The following NYNRIN variants were observed in gnomAD, a reference collection of about 807,000 sequenced individuals.
NYNRIN encodes NYN domain and retroviral integrase containing.
A neutral mutation model predicts 146.6 loss-of-function variants in NYNRIN; 86 were observed. The ratio of observed to expected loss-of-function variants is 0.59; its 90% CI spans 0.49 to 0.70. The LOEUF is 0.70. Among genes scored for constraint, NYNRIN ranks in the 30% least tolerant of loss-of-function variants. The probability of loss-of-function intolerance (pLI) is 0.00; values close to 1 mark genes in which losing one functional copy is unlikely to be tolerated. For missense variants in NYNRIN, 2,191 were observed against 2,377.7 expected (o/e 0.92, Z 1.63); for synonymous variants, 1,027 against 1,001.3 (o/e 1.03, Z -0.48).
Position 24,417,162 on chromosome 14 carries a change from G to T in NYNRIN, c.5413G>T (p.Ala1805Ser). The change falls in exon 9 of 9, where the codon GCT becomes TCT. Residue 1805 changes from alanine (A) to serine (S), a missense_variant. By Grantham distance (99) the Ala-to-Ser change is moderately conservative. Around this residue, in one of 3 missense-constraint regions of NYNRIN, gnomAD observed 1,291 missense variants for 1,417.0 expected, o/e 0.91. Coordinates refer to ENST00000382554, the MANE Select transcript of NYNRIN (RefSeq NM_025081.3). ...GELLELHWRVADKASEKAENR... is the reference protein window; with the variant it reads ...GELLELHWRVSDKASEKAENR... ...GCTGCTGGAGCTCCACTGGAGGGTGGCTGACAAGGCGAGTGAAAAGGCCGA... is the reference window on the plus strand; with the variant it reads ...GCTGCTGGAGCTCCACTGGAGGGTGTCTGACAAGGCGAGTGAAAAGGCCGA... 6.2e-7 allele frequency: 1 copy of T among 1,614,050 alleles called. No homozygotes were observed. Among genetic ancestry groups the T allele is most frequent in the Non-Finnish European group, 8.5e-7 (1 of 1,179,894 alleles).
rs2042962999 is a variant in NYNRIN at position 24,418,401 on chromosome 14, C to T, written c.*955C>T. On this transcript the variant is annotated 3_prime_UTR_variant, in exon 9 of 9. Coordinates refer to ENST00000382554, the MANE Select transcript of NYNRIN (RefSeq NM_025081.3). The stretch of plus-strand genomic sequence containing the variant: ...CAACCCCATCCCAAAGCCTACAGTC[C>T]TCTGCTCCTTCTACCTCCACTGTAT... The T allele has an allele frequency of 2.6e-6, 1 of 391,134 alleles. No individual in the cohort carries two copies. Among genetic ancestry groups the T allele is most frequent in the Non-Finnish European group, 5.1e-6 (1 of 197,432 alleles). The allele number at this position is 391,134 out of a possible 1,614,324, so 24.2% of individuals were successfully genotyped here. A position where few individuals can be genotyped will look rare whatever the true frequency, so the allele number is the denominator to read the frequency against.
Position 24,419,161 on chromosome 14 carries a change from C to T in NYNRIN, c.*1715C>T, listed in dbSNP as rs950653395. ...CTTCCTCCTCTCTGTAATGGTATGTCCAGCCTCACTCTCCCTCCCTGGTGC... is the reference window on the plus strand; with the variant it reads ...CTTCCTCCTCTCTGTAATGGTATGTTCAGCCTCACTCTCCCTCCCTGGTGC... On this transcript the variant is annotated 3_prime_UTR_variant, in exon 9 of 9. Coordinates refer to ENST00000382554, the MANE Select transcript of NYNRIN (RefSeq NM_025081.3). The T allele has an allele frequency of 1.3e-5, 2 of 152,324 alleles. No individual in the cohort carries two copies. The highest frequency in any genetic ancestry group is 4.8e-5 in the African/African-American group (2 of 41,448). The allele number at this position is 152,324 out of a possible 1,614,324, so 9.4% of individuals were successfully genotyped here. A position where few individuals can be genotyped will look rare whatever the true frequency, so the allele number is the denominator to read the frequency against.
chr14:24,408,263 G>T lies in NYNRIN; in HGVS notation c.593G>T (p.Gly198Val), dbSNP rs1200897268. 1 of 1,610,776 alleles carries T rather than the reference G, an allele frequency of 6.2e-7. No individual in the cohort carries two copies. ...LLLSLVRDAA[G>V]KEDIIEWLSR... The stretch of plus-strand genomic sequence containing the variant: ...CTGAGCCTGGTGCGGGATGCTGCGG[G>T]CAAGGAAGACATCATCGAGTGGCTC... Residue 198 changes from glycine (G) to valine (V), a missense_variant, in exon 3 of 9, where the codon GGC becomes GTC. By Grantham distance (109) the Gly-to-Val change is moderately radical (BLOSUM62 -3). Transcript: ENST00000382554.
rs752615470 is a variant in NYNRIN, at chr14:24,417,418, C to T, written c.5669C>T (p.Pro1890Leu). 18 of 1,525,796 alleles carry T rather than the reference C, an allele frequency of 1.2e-5. No homozygotes were observed. Among genetic ancestry groups the T allele is most frequent in the African/African-American group, 5.5e-5 (4 of 72,532 alleles). 94.5% of individuals were successfully genotyped at this position (1,525,796 alleles called of 1,614,324 possible). Reference sequence around the variant, plus strand: ...AAGGCCTTTGCCAAGAGTGGCACCCCGCTGTCCTTCAAGGTCTTGGAGCAG... The same window carrying T: ...AAGGCCTTTGCCAAGAGTGGCACCCTGCTGTCCTTCAAGGTCTTGGAGCAG... ...LMKAFAKSGTPLSFKVLEQ is the reference protein window; with the variant it reads ...LMKAFAKSGTLLSFKVLEQ The change falls in exon 9 of 9, where the codon CCG (proline) becomes CTG (leucine). Residue 1890 changes from proline to leucine, a missense_variant. By Grantham distance (98) the Pro-to-Leu change is moderately conservative. Coordinates refer to ENST00000382554, the MANE Select transcript of NYNRIN (RefSeq NM_025081.3).
rs200054578 is a variant in NYNRIN, at chr14:24,410,041, G to A, written c.2247G>A (p.Glu749=). ...TGGAGGGGCTCCTGGGGGCTTGGGAGGGGGCCCCAAGGCAGCCACCTCGCC... is the reference window on the plus strand; with the variant it reads ...TGGAGGGGCTCCTGGGGGCTTGGGAAGGGGCCCCAAGGCAGCCACCTCGCC... The part of the protein sequence containing the change: ...FQMEGLLGAW[E]GAPRQPPRHL... The change falls in exon 4 of 9, where the codon GAG becomes GAA. Residue 749 remains glutamate (E), a synonymous_variant. Coordinates refer to ENST00000382554, the MANE Select transcript of NYNRIN (RefSeq NM_025081.3). 2.1e-4 allele frequency: 344 copies of A among 1,613,884 alleles called. No individual in the cohort carries two copies. The African/African-American group carries it at 4.2e-3, about 20-fold the overall frequency.
At chr14:24,402,703 C>T (rs1295214422) in intron 2 of NYNRIN, among the ~76,000 whole-genome samples, 8 of 152,116 alleles carry the variant, frequency 5.3e-5, no homozygotes, top group East Asian at 1.9e-4. Flanking sequence ...TTGGCAAATG[C>T]GACAAATCAA....
chr14:24,414,871 G>A lies in NYNRIN; in HGVS notation c.3122G>A (p.Cys1041Tyr), dbSNP rs761411228. Residue 1041 changes from cysteine to tyrosine, a missense_variant, in exon 9 of 9, where the codon TGC becomes TAC. Around this residue, in one of 3 missense-constraint regions of NYNRIN, gnomAD observed 1,291 missense variants for 1,417.0 expected, o/e 0.91. Coordinates refer to ENST00000382554, the MANE Select transcript of NYNRIN (RefSeq NM_025081.3). Reference sequence around the variant, plus strand: ...TCCCTTTCGGAGGAGATCCTGCGGTGCCTCAGCCTCCATGATCCCCCTGAT... The same window carrying A: ...TCCCTTTCGGAGGAGATCCTGCGGTACCTCAGCCTCCATGATCCCCCTGAT... The part of the protein sequence containing the change: ...CPSLSEEILR[C>Y]LSLHDPPDGA... The A allele has an allele frequency of 1.4e-5, 22 of 1,610,052 alleles. No homozygotes were observed. The highest frequency in any genetic ancestry group is 8.5e-6 in the Non-Finnish European group (10 of 1,177,028).
intron 2 of NYNRIN, among the ~76,000 whole-genome samples, chr14:24,400,472 T>C (rs1387350403): frequency 6.6e-6 from 1 of 152,118 alleles, no homozygotes; most frequent in Non-Finnish European, 1.5e-5. Flanking sequence ...TCTTAATTGG[T>C]CAAGGCCATG....
rs774433921 is a variant in NYNRIN, at chr14:24,399,273, G to A, written c.27G>A (p.Pro9=). The change falls in exon 2 of 9, where the codon CCG becomes CCA. Residue 9 remains proline (P), a synonymous_variant. Transcript: ENST00000382554. ...TGCTCCTGTCTGGGGGCGATCCTCC[G>A]GCGCAGGAATGGTTCATGGTGCAGA... MLLSGGDP[P]AQEWFMVQTK... is the part of the protein sequence containing the mutation. 2.5e-6 allele frequency: 4 copies of A among 1,613,768 alleles called. No homozygotes were observed. Among genetic ancestry groups the A allele is most frequent in the Admixed American group, 3.3e-5 (2 of 59,998 alleles).
Position 24,409,706 on chromosome 14 carries a change from G to C in NYNRIN, c.1912G>C (p.Ala638Pro). The C allele has an allele frequency of 6.2e-7, 1 of 1,605,886 alleles. No homozygotes were observed. The highest frequency in any genetic ancestry group is 8.5e-7 in the Non-Finnish European group (1 of 1,176,148). Residue 638 changes from alanine to proline, a missense_variant, in exon 4 of 9, where the codon GCA becomes CCA. Physicochemically the swap from Ala to Pro is conservative, Grantham distance 27. This residue lies in a region of NYNRIN where 895 missense variants were observed against 941.2 expected (regional missense o/e 0.95). Transcript: ENST00000382554. ...QKMPVAKTSP[A>P]GPKTPKAQAG... ...GATGCCTGTAGCAAAAACATCACCT[G>C]CAGGTCCCAAAACACCCAAAGCTCA...
At chr14:24,406,308 G>A (rs1455391715) in intron 2 of NYNRIN, among the ~76,000 whole-genome samples, 1 of 152,094 alleles carries the variant, frequency 6.6e-6, no homozygotes, top group African/African-American at 2.4e-5. Flanking sequence ...AGAGAAAGAA[G>A]CCACCCATAA....
rs2042898486 is a variant in NYNRIN at position 24,409,682 on chromosome 14, A to G, written c.1888A>G (p.Met630Val). The change falls in exon 4 of 9, where the codon ATG becomes GTG. Residue 630 changes from methionine (M) to valine (V), a missense_variant. Physicochemically the swap from Met to Val is conservative, Grantham distance 21 (BLOSUM62 1). Coordinates refer to ENST00000382554, the MANE Select transcript of NYNRIN (RefSeq NM_025081.3). ...TTPKTPQAQK[M>V]PVAKTSPAGP... is the part of the protein sequence containing the mutation. ...TCCAAAAACTCCCCAGGCTCAGAAG[A>G]TGCCTGTAGCAAAAACATCACCTGC... is the stretch of plus-strand genomic sequence containing the variant. 2 of 1,606,432 alleles carry G rather than the reference A, an allele frequency of 1.2e-6. No individual in the cohort carries two copies.
chr14:24,412,456 A>C (rs2042918178), intron 6 of NYNRIN: 1 of 152,572 alleles, frequency 6.6e-6, no homozygotes, highest in African/African-American at 2.4e-5. Context: ...GTGTGCTTAT[A>C]TGTGTTAGCG....
Position 24,399,070 on chromosome 14 carries a change from C to A in NYNRIN, c.-34C>A. 2 of 556,068 alleles carry A rather than the reference C, an allele frequency of 3.6e-6. No homozygotes were observed. Among genetic ancestry groups the A allele is most frequent in the African/African-American group, 2.0e-5 (1 of 49,252 alleles). The allele number at this position is 556,068 out of a possible 1,614,324, so 34.4% of individuals were successfully genotyped here. Reference sequence around the variant, plus strand: ...AGGGGACCAAGCTCCAGAGGGCGGGCGCCCGAGCCGTGCGGGGTGGGTCCC... The same window carrying A: ...AGGGGACCAAGCTCCAGAGGGCGGGAGCCCGAGCCGTGCGGGGTGGGTCCC... On this transcript the variant is annotated 5_prime_UTR_variant, in exon 1 of 9. Coordinates refer to ENST00000382554, the MANE Select transcript of NYNRIN (RefSeq NM_025081.3).
Position 24,405,017 on chromosome 14 carries a change from TGTGTGTGTGTGA to T in NYNRIN, c.199-2850_199-2839del, listed in dbSNP as rs796413027. 0.01 allele frequency among the ~76,000 whole-genome samples: 324 copies of T among 31,584 alleles called. 3 individuals carry two copies. The East Asian group carries it at 0.19, about 19-fold the overall frequency. 20.7% of individuals were successfully genotyped at this position (31,584 alleles called of 152,430 possible). ...GCCTGTGTGTGTGTGTGTGTGTGTG[TGTGTGTGTGTGA>T]GAGAATGTGTGTGTGTGAATGTGTG... On this transcript the variant is annotated intron_variant, in intron 2 of 8. Coordinates refer to ENST00000382554, the MANE Select transcript of NYNRIN (RefSeq NM_025081.3).
At position 24,399,364 on chromosome 14, in the gene NYNRIN, A is replaced by C; in HGVS notation, c.118A>C (p.Asn40His). 6.2e-7 allele frequency: 1 copy of C among 1,613,794 alleles called. No individual in the cohort carries two copies. Among genetic ancestry groups the C allele is most frequent in the Non-Finnish European group, 8.5e-7 (1 of 1,179,824 alleles). Residue 40 changes from asparagine to histidine, a missense_variant, in exon 2 of 9, where the codon AAC becomes CAC. By Grantham distance (68) the Asn-to-His change is moderately conservative (BLOSUM62 1). Transcript: ENST00000382554. ...QVQRIFRVKLNAFQSRPDTPY... is the reference protein window; with the variant it reads ...QVQRIFRVKLHAFQSRPDTPY... ...GCAGCGCATCTTTAGGGTCAAGCTGAACGCCTTCCAGAGCCGCCCGGACAC... is the reference window on the plus strand; with the variant it reads ...GCAGCGCATCTTTAGGGTCAAGCTGCACGCCTTCCAGAGCCGCCCGGACAC...
rs567805123 is a variant in NYNRIN at position 24,399,287 on chromosome 14, T to G, written c.41T>G (p.Phe14Cys). 1 of 1,613,898 alleles carries G rather than the reference T, an allele frequency of 6.2e-7. No individual in the cohort carries two copies. The highest frequency in any genetic ancestry group is 1.7e-5 in the Admixed American group (1 of 60,026). ...SGGDPPAQEW[F>C]MVQTKSKPRV... ...GGCGATCCTCCGGCGCAGGAATGGT[T>G]CATGGTGCAGACAAAATCGAAGCCT... The change falls in exon 2 of 9, where the codon TTC (phenylalanine) becomes TGC (cysteine). Residue 14 changes from phenylalanine (F) to cysteine (C), a missense_variant. Transcript: ENST00000382554.
chr14:24,413,322 G>A lies in NYNRIN; in HGVS notation c.2751G>A (p.Leu917=). The A allele has an allele frequency of 6.2e-7, 1 of 1,612,690 alleles. No individual in the cohort carries two copies. The highest frequency in any genetic ancestry group is 8.5e-7 in the Non-Finnish European group (1 of 1,179,342). Residue 917 remains leucine, a synonymous_variant, in exon 8 of 9, where the codon CTG becomes CTA. Coordinates refer to ENST00000382554, the MANE Select transcript of NYNRIN (RefSeq NM_025081.3). The part of the protein sequence containing the change: ...SKKLMVKDRL[L]PFTFAGNLFM... ...CTTCTCCCCCTGGGCCCAGCTTGCT[G>A]CCTTTCACCTTTGCGGGGAATCTCT...
In NYNRIN at chr14:24,416,366, A is replaced by G. The variant is rs753100388; in HGVS notation, c.4617A>G (p.Gln1539=). 1.9e-6 allele frequency: 3 copies of G among 1,612,954 alleles called. No individual in the cohort carries two copies. The highest frequency in any genetic ancestry group is 3.3e-5 in the Admixed American group (2 of 59,888). The change falls in exon 9 of 9, where the codon CAA becomes CAG. Residue 1539 remains glutamine, a synonymous_variant. Transcript: ENST00000382554. ...KKPRVWVVPT[Q]LRRDLIFSVH... is the part of the protein sequence containing the mutation. Reference sequence around the variant, plus strand: ...CCAGGGTCTGGGTAGTCCCGACGCAACTCCGGAGGGATCTGATTTTCTCTG... The same window carrying G: ...CCAGGGTCTGGGTAGTCCCGACGCAGCTCCGGAGGGATCTGATTTTCTCTG...
Sources: allele counts gnomAD v4.1 joint callset (sites outside exome capture counted in the v4.1 genomes callset), GRCh38; gene constraint gnomAD v4.1.1; regional missense constraint gnomAD v4.1.1; transcripts MANE v1.5; gene names NCBI Gene and HGNC (gene_info 2026-07-23, HGNC 2026-07-21).